Variants in PACRG observed in about 807,000 individuals in gnomAD.
PACRG encodes the protein parkin coregulated.
PACRG carries 29 observed loss-of-function variants against 29.7 expected under a neutral mutation model. The observed-to-expected ratio is 0.98, with a 90% CI of 0.73 to 1.33. The LOEUF is 1.33. PACRG is among the 40% of genes most tolerant of loss of function. The pLI is 0.00. For synonymous variants in PACRG, 116 were observed against 118.7 expected (o/e 0.98, Z 0.15); for missense variants, 279 against 316.2 (o/e 0.88, Z 0.89).
chr6:162,771,140 G>A (rs1783186833), intron 1 of PACRG, among the ~76,000 whole-genome samples: 1 of 151,964 alleles, frequency 6.6e-6, no homozygotes, highest in African/African-American at 2.4e-5. Flanking sequence ...AAATAACCTT[G>A]TTATTACCAT....
intron 4 of PACRG, among the ~76,000 whole-genome samples, chr6:163,145,293 C>T (rs1777750676): frequency 6.6e-6 from 1 of 152,178 alleles, no homozygotes; most frequent in South Asian, 2.1e-4. Flanking sequence ...TGAGACAATG[C>T]AAATCAAAGT....
In PACRG at chr6:163,064,642, A is replaced by G. The variant is rs573899543; in HGVS notation, c.463+2321A>G. On this transcript the variant is annotated intron_variant, in intron 3 of 4. Coordinates refer to ENST00000366888, the MANE Select transcript of PACRG (RefSeq NM_001080379.2). ...GCACAGTTCCAGCACAGTGTGAAAAATATTATGTGCATAAAGAAAATCTTT... is the reference window on the plus strand; with the variant it reads ...GCACAGTTCCAGCACAGTGTGAAAAGTATTATGTGCATAAAGAAAATCTTT... Among the ~76,000 whole-genome samples the G allele has an allele frequency of 3.9e-5, 6 of 152,332 alleles. No homozygotes were observed. In the South Asian group the frequency reaches 1.0e-3, roughly 26 times the overall value.
At chr6:162,973,393 A>G (rs1340038234) in intron 2 of PACRG, among the ~76,000 whole-genome samples, 1 of 152,180 alleles carries the variant, frequency 6.6e-6, no homozygotes, top group Non-Finnish European at 1.5e-5. Context: ...GCCTGGCTCC[A>G]TTTCATGCAT....
At chr6:162,839,518 G>GA (rs1373650878) in intron 2 of PACRG, among the ~76,000 whole-genome samples, 1 of 151,192 alleles carries the variant, frequency 6.6e-6, no homozygotes, top group Admixed American at 6.6e-5. Flanking sequence ...AGTAGGTTGC[G>GA]AAAATTTTCT....
intron 4 of PACRG, among the ~76,000 whole-genome samples, chr6:163,258,539 C>T (rs558346047): frequency 3.9e-4 from 59 of 152,196 alleles, no homozygotes; most frequent in African/African-American, 5.8e-4. Context: ...GAGCAGATCA[C>T]GAGGTCAGGA....
At chr6:163,189,978 T>A (rs1225016531) in intron 4 of PACRG, 1 of 152,226 alleles carries the variant, frequency 6.6e-6, no homozygotes, top group African/African-American at 2.4e-5. Flanking sequence ...GCAGTAACAT[T>A]CATTTATATG....
intron 4 of PACRG, among the ~76,000 whole-genome samples, chr6:163,272,540 T>A (rs575549378): frequency 6.6e-6 from 1 of 152,332 alleles, no homozygotes; most frequent in Admixed American, 6.5e-5. Flanking sequence ...CACTGTGTAA[T>A]TCTTGTAATA....
intron 4 of PACRG, among the ~76,000 whole-genome samples, chr6:163,210,987 A>T (rs1006199359): frequency 6.6e-6 from 1 of 152,212 alleles, no homozygotes; most frequent in Non-Finnish European, 1.5e-5. Flanking sequence ...TTCAAATAAT[A>T]AGAACTTAAT....
rs1416213066 is a variant in PACRG, at chr6:162,838,514, G to T, written c.291+24233G>T. ...AGGCTGGGAAATACAGTCCAGCTGT[G>T]TACCTCAAAGGAAAAGGGAAATGGT... On this transcript the variant is annotated intron_variant, in intron 2 of 4. Transcript: ENST00000366888. Among the ~76,000 whole-genome samples, 9 of 152,062 alleles carry T rather than the reference G, an allele frequency of 5.9e-5. No individual in the cohort carries two copies. In the East Asian group the frequency reaches 1.7e-3, roughly 29 times the overall value.
At chr6:162,881,001 C>A (rs1265536294) in intron 2 of PACRG, among the ~76,000 whole-genome samples, 2 of 152,184 alleles carry the variant, frequency 1.3e-5, no homozygotes, top group Non-Finnish European at 2.9e-5. Context: ...AGACACAGAT[C>A]GTCACGATCT....
chr6:163,132,508 A>C (rs751067874), intron 4 of PACRG, among the ~76,000 whole-genome samples: 1 of 152,210 alleles, frequency 6.6e-6, no homozygotes, highest in Non-Finnish European at 1.5e-5. Context: ...TCCTCTAAGA[A>C]TCTTTGAGCA....
chr6:162,904,450 C>T (rs537064830), intron 2 of PACRG, among the ~76,000 whole-genome samples: 8 of 149,338 alleles, frequency 5.4e-5, no homozygotes, highest in East Asian at 1.9e-4. Flanking sequence ...CCTGGGAGCA[C>T]GTGGAGTGAG....
chr6:163,010,148 A>C (rs1805477546), intron 2 of PACRG, among the ~76,000 whole-genome samples: 1 of 152,228 alleles, frequency 6.6e-6, no homozygotes, highest in South Asian at 2.1e-4. Flanking sequence ...AGTACATTTG[A>C]AAACCAAACG....
intron 4 of PACRG, chr6:163,191,683 T>C (rs1188978513): frequency 6.6e-6 from 3 of 456,226 alleles, no homozygotes; most frequent in Non-Finnish European, 1.3e-5. Context: ...CGTGGCCATC[T>C]GTGCCTATGC....
chr6:163,116,624 A>C (rs887238012), intron 4 of PACRG, among the ~76,000 whole-genome samples: 2 of 151,698 alleles, frequency 1.3e-5, no homozygotes, highest in African/African-American at 4.9e-5. Context: ...GGTCTTTTGA[A>C]AGAAACGAGT....
intron 2 of PACRG, among the ~76,000 whole-genome samples, chr6:162,918,552 A>C (rs1200658218): frequency 6.6e-6 from 1 of 152,194 alleles, no homozygotes; most frequent in Non-Finnish European, 1.5e-5. Context: ...ATGTAACAAC[A>C]GTATGCTGGG....
chr6:162,939,067 T>A (rs1196247131), intron 2 of PACRG, among the ~76,000 whole-genome samples: 1 of 152,120 alleles, frequency 6.6e-6, no homozygotes, highest in African/African-American at 2.4e-5. Flanking sequence ...AATGGGCACA[T>A]AGACCAATGG....
rs1288041855 is a variant in PACRG, at chr6:163,272,956, A to G, written c.614-41871A>G. ...GCCCAGGCTGGAGTGCAGTGGCGGG[A>G]TCTCGGCTCACTGCAAGCTCCGCCT... On this transcript the variant is annotated intron_variant, in intron 4 of 4. Transcript: ENST00000366888. Among the ~76,000 whole-genome samples the G allele has an allele frequency of 1.9e-3, 222 of 116,184 alleles. 1 individual carries two copies. The highest frequency in any genetic ancestry group is 2.9e-3 in the Non-Finnish European group (175 of 61,362). The allele number at this position is 116,184 out of a possible 152,430, so 76.2% of individuals were successfully genotyped here. A position where few individuals can be genotyped will look rare whatever the true frequency, so the allele number is the denominator to read the frequency against.
intron 3 of PACRG, among the ~76,000 whole-genome samples, chr6:163,073,284 C>T (rs545292479): frequency 7.9e-5 from 12 of 152,228 alleles, no homozygotes; most frequent in Non-Finnish European, 1.3e-4. Context: ...TAAGTCCATA[C>T]ATCTACAGTG....
Sources: allele counts gnomAD v4.1 joint callset (sites outside exome capture counted in the v4.1 genomes callset), GRCh38; gene constraint gnomAD v4.1.1; transcripts MANE v1.5; gene names NCBI Gene and HGNC (gene_info 2026-07-23, HGNC 2026-07-21).